FSTL5: variants seen among roughly 807,000 people sequenced by gnomAD.
The protein encoded by FSTL5 is follistatin-related protein 5.
Under a neutral mutation model 89.1 loss-of-function variants are expected in FSTL5, and 62 were observed. The ratio of observed to expected loss-of-function variants is 0.70; its 90% CI spans 0.57 to 0.86. The LOEUF is 0.86. Among genes scored for constraint, FSTL5 ranks in the 40% least tolerant of loss-of-function variants. FSTL5 has a pLI of 0.00. For missense variants in FSTL5, 1,057 were observed against 1,001.6 expected (o/e 1.06, Z -0.75); for synonymous variants, 383 against 346.2 (o/e 1.11, Z -1.18).
In FSTL5 at chr4:161,393,066, C is replaced by T. The variant is rs540823765; in HGVS notation, c.1842-6617G>A. Among the ~76,000 whole-genome samples the T allele has an allele frequency of 1.5e-4, 22 of 151,622 alleles. No individual in the cohort carries two copies. In the South Asian group the frequency reaches 2.7e-3, roughly 19 times the overall value. ...GTAGTCCCAGCTACTTGGGAGGCTG[C>T]GGTGGGAGAATCACTTGAACCCGGG... On this transcript the variant is annotated intron_variant, in intron 15 of 15. Coordinates refer to ENST00000306100, the MANE Select transcript of FSTL5 (RefSeq NM_020116.5).
At chr4:161,562,911 G>A (rs1314952402) in intron 8 of FSTL5, among the ~76,000 whole-genome samples, 1 of 151,852 alleles carries the variant, frequency 6.6e-6, no homozygotes, top group Admixed American at 6.6e-5. Context: ...TTATCATTTT[G>A]TAGTTGGCTT....
chr4:161,997,601 C>CTTTT (rs60978465), intron 3 of FSTL5, among the ~76,000 whole-genome samples: 118 of 129,284 alleles, frequency 9.1e-4, no homozygotes, highest in Non-Finnish European at 1.1e-3. Context: ...TACATGTTAT[C>CTTTT]TTTTTTTTTT....
chr4:161,733,038 T>C (rs974005396), intron 6 of FSTL5, among the ~76,000 whole-genome samples: 47 of 151,912 alleles, frequency 3.1e-4, no homozygotes, highest in African/African-American at 1.1e-3. Context: ...CCTGGTGTTT[T>C]ATTTAAAATT....
intron 4 of FSTL5, among the ~76,000 whole-genome samples, chr4:161,866,506 G>T: frequency 6.8e-6 from 1 of 147,018 alleles, no homozygotes. Context: ...GTGTGTGTGT[G>T]TGGTTTCAAT....
chr4:161,770,299 G>A (rs1407691256), intron 5 of FSTL5, among the ~76,000 whole-genome samples: 2 of 151,944 alleles, frequency 1.3e-5, no homozygotes, highest in African/African-American at 2.4e-5. Context: ...GCACAACAGA[G>A]TGACTATAGA....
chr4:161,572,621 T>C (rs1425083437), intron 8 of FSTL5, among the ~76,000 whole-genome samples: 1 of 152,178 alleles, frequency 6.6e-6, no homozygotes, highest in East Asian at 1.9e-4. Context: ...ACTATAGCAA[T>C]ATAAACTTTC....
At chr4:161,600,690 G>C (rs538878234) in intron 7 of FSTL5, among the ~76,000 whole-genome samples, 1 of 152,010 alleles carries the variant, frequency 6.6e-6, no homozygotes, top group African/African-American at 2.4e-5. Flanking sequence ...TTTTGAAAGC[G>C]AATACAATTT....
chr4:161,580,365 A>G (rs950297550), intron 8 of FSTL5, among the ~76,000 whole-genome samples: 3 of 152,222 alleles, frequency 2.0e-5, no homozygotes, highest in Admixed American at 6.5e-5. Flanking sequence ...TTAAGTGAAG[A>G]ACTTTAAATT....
intron 2 of FSTL5, among the ~76,000 whole-genome samples, chr4:162,107,087 T>G (rs1731252665): frequency 6.6e-6 from 1 of 152,184 alleles, no homozygotes; most frequent in Non-Finnish European, 1.5e-5. Context: ...TGCCAAGACA[T>G]GTAAGCCTAT....
chr4:161,424,143 C>T (rs904626842), intron 15 of FSTL5, among the ~76,000 whole-genome samples: 16 of 146,714 alleles, frequency 1.1e-4, no homozygotes, highest in Non-Finnish European at 2.1e-4. Flanking sequence ...TCCCAAAGTG[C>T]TGGGATTACA....
chr4:161,621,418 C>G (rs1197141811), intron 7 of FSTL5, among the ~76,000 whole-genome samples: 1 of 151,982 alleles, frequency 6.6e-6, no homozygotes, highest in East Asian at 1.9e-4. Flanking sequence ...GCAGCTAATA[C>G]AGTACATACA....
chr4:161,914,377 T>A (rs1250224364), intron 4 of FSTL5, among the ~76,000 whole-genome samples: 1 of 152,096 alleles, frequency 6.6e-6, no homozygotes, highest in Non-Finnish European at 1.5e-5. Flanking sequence ...TATATATATA[T>A]CACAGGGGAA....
chr4:161,842,353 A>T (rs1731236804), intron 4 of FSTL5, among the ~76,000 whole-genome samples: 1 of 152,198 alleles, frequency 6.6e-6, no homozygotes, highest in African/African-American at 2.4e-5. Context: ...ACACCAGTAT[A>T]ATCATTCTTT....
chr4:161,753,967 G>A (rs377656576), intron 6 of FSTL5, among the ~76,000 whole-genome samples: 13 of 150,722 alleles, frequency 8.6e-5, no homozygotes, highest in African/African-American at 3.2e-4. Context: ...GTGTGAACCC[G>A]GGAGGCGGAG....
chr4:161,812,559 T>C (rs1284063330), intron 4 of FSTL5, among the ~76,000 whole-genome samples: 1 of 151,844 alleles, frequency 6.6e-6, no homozygotes, highest in Non-Finnish European at 1.5e-5. Context: ...AACTACCACA[T>C]GTGGTTCTAA....
chr4:162,136,585 G>T (rs1038976888), intron 1 of FSTL5, among the ~76,000 whole-genome samples: 1 of 151,944 alleles, frequency 6.6e-6, no homozygotes, highest in Admixed American at 6.6e-5. Flanking sequence ...CAAAACATTA[G>T]AAAAAGGCTG....
chr4:162,042,983 T>C (rs1438598768), intron 2 of FSTL5, among the ~76,000 whole-genome samples: 1 of 147,750 alleles, frequency 6.8e-6, no homozygotes, highest in Non-Finnish European at 1.5e-5. Context: ...CATTGGGAGA[T>C]ATACCTAATG....
intron 10 of FSTL5, among the ~76,000 whole-genome samples, chr4:161,522,212 G>C (rs80314340): frequency 6.6e-6 from 1 of 152,146 alleles, no homozygotes; most frequent in Non-Finnish European, 1.5e-5. Flanking sequence ...GAGAAAAAGA[G>C]AATGGGGTCA....
At chr4:162,023,065 T>G (rs1737150495) in intron 3 of FSTL5, among the ~76,000 whole-genome samples, 1 of 152,068 alleles carries the variant, frequency 6.6e-6, no homozygotes, top group Admixed American at 6.6e-5. Context: ...TACACGTGTA[T>G]CCCCATACAT....
Sources: gnomAD v4.1 joint callset for allele counts (sites outside exome capture counted in the v4.1 genomes callset) on GRCh38, gnomAD v4.1.1 for gene constraint, MANE v1.5 for transcripts, NCBI Gene and HGNC (gene_info 2026-07-23, HGNC 2026-07-21) for gene names.